KDM7A: variants seen among roughly 807,000 people sequenced by gnomAD.
The protein encoded by KDM7A is lysine demethylase 7A.
In KDM7A, 28 loss-of-function variants were observed where a neutral mutation model predicts 114.8. The observed-to-expected ratio is 0.24, with a 90% confidence interval of 0.18 to 0.33. KDM7A has a LOEUF of 0.33. Ranked by LOEUF, KDM7A falls within the 10% of genes least tolerant of loss-of-function variation. The probability of loss-of-function intolerance (pLI) is 1.00; values close to 1 mark genes in which losing one functional copy is unlikely to be tolerated. For synonymous variants in KDM7A, 423 were observed against 397.8 expected (o/e 1.06, Z -0.75); for missense variants, 942 against 1,142.5 (o/e 0.82, Z 2.53).
chr7:140,117,889 A>C (rs1392654120), intron 9 of KDM7A, among the ~76,000 whole-genome samples: 1 of 152,212 alleles, frequency 6.6e-6, no homozygotes, highest in Non-Finnish European at 1.5e-5. Context: ...CTTCTCATGC[A>C]TGGGATTCTA....
chr7:140,166,579 C>G (rs553306381), intron 1 of KDM7A, among the ~76,000 whole-genome samples: 8 of 152,154 alleles, frequency 5.3e-5, no homozygotes, highest in South Asian at 4.2e-4. Context: ...CTCACGCCAT[C>G]CACCCACCTT....
chr7:140,124,843 A>G, intron 6 of KDM7A, 60 bp from the exon 7 acceptor site: 1 of 949,804 alleles, frequency 1.1e-6, no homozygotes, highest in Non-Finnish European at 1.6e-6. Flanking sequence ...GATAGCCTAC[A>G]TTGATGCAAT....
intron 1 of KDM7A, among the ~76,000 whole-genome samples, chr7:140,171,745 C>T (rs2116862155): frequency 6.6e-6 from 1 of 151,696 alleles, no homozygotes; most frequent in East Asian, 1.9e-4. Flanking sequence ...CCACTTATGC[C>T]TGTACTTGAA....
At chr7:140,164,921 A>G (rs151175426) in intron 1 of KDM7A, among the ~76,000 whole-genome samples, 187 of 152,278 alleles carry the variant, frequency 1.2e-3, no homozygotes, top group African/African-American at 4.4e-3. Context: ...CTTTAAGAAA[A>G]ATTAAAAGTC....
chr7:140,103,148 T>C lies in KDM7A; in HGVS notation c.1429-988A>G, dbSNP rs537034431. 2.2e-4 allele frequency among the ~76,000 whole-genome samples: 34 copies of C among 152,138 alleles called. No homozygotes were observed. In the South Asian group the frequency reaches 6.6e-3, roughly 30 times the overall value. ...CCCATTCTCCCTTCCCGCCAACCCCTAGCAACTACCATTCTACTTGCATTC... is the reference window on the plus strand; with the variant it reads ...CCCATTCTCCCTTCCCGCCAACCCCCAGCAACTACCATTCTACTTGCATTC... On this transcript the variant is annotated intron_variant, in intron 11 of 19. Transcript: ENST00000397560.
At chr7:140,153,481 G>A (rs949407458) in intron 1 of KDM7A, among the ~76,000 whole-genome samples, 47 of 138,312 alleles carry the variant, frequency 3.4e-4, no homozygotes, top group African/African-American at 1.2e-3. Flanking sequence ...GCGAGACTCC[G>A]TCTCAAAAAG....
At chr7:140,142,270 G>T (rs1166805008) in intron 1 of KDM7A, among the ~76,000 whole-genome samples, 7 of 151,118 alleles carry the variant, frequency 4.6e-5, no homozygotes, top group Non-Finnish European at 8.8e-5. Flanking sequence ...CCATAAGGGG[G>T]AAAACTGATA....
intron 13 of KDM7A, among the ~76,000 whole-genome samples, chr7:140,099,603 CA>C (rs892867109): frequency 1.8e-4 from 27 of 152,164 alleles, no homozygotes; most frequent in Admixed American, 5.2e-4. Flanking sequence ...GGTGAGTGAG[CA>C]TTACCACCTG....
rs1817926838 is a variant in KDM7A at position 140,086,579 on chromosome 7, C to T, written c.*4515G>A. On this transcript the variant is annotated 3_prime_UTR_variant, in exon 20 of 20. Coordinates refer to ENST00000397560, the MANE Select transcript of KDM7A (RefSeq NM_030647.2). ...AGGCTACAGTATTAAGATTACATTA[C>T]GTTCAACAGCAACAGAATGAGAAAA... 2.0e-5 allele frequency: 3 copies of T among 152,138 alleles called. No individual in the cohort carries two copies. The allele number at this position is 152,138 out of a possible 1,614,324, so 9.4% of individuals were successfully genotyped here.
intron 1 of KDM7A, among the ~76,000 whole-genome samples, chr7:140,175,840 C>T (rs1190043520): frequency 6.6e-6 from 1 of 151,980 alleles, no homozygotes; most frequent in African/African-American, 2.4e-5. Flanking sequence ...GGCACAGCCG[C>T]AGGCGGTCCC....
chr7:140,146,902 C>G (rs1401397462), intron 1 of KDM7A, among the ~76,000 whole-genome samples: 2 of 152,134 alleles, frequency 1.3e-5, no homozygotes, highest in Non-Finnish European at 2.9e-5. Flanking sequence ...GGATAACACT[C>G]TCATTTATAT....
chr7:140,111,490 T>C (rs1818431072), intron 10 of KDM7A, among the ~76,000 whole-genome samples: 1 of 152,218 alleles, frequency 6.6e-6, no homozygotes, highest in South Asian at 2.1e-4. Flanking sequence ...CTACTACTAA[T>C]TCGTAAAGTG....
At chr7:140,131,019 A>G (rs1170727252) in intron 3 of KDM7A, among the ~76,000 whole-genome samples, 1 of 133,034 alleles carries the variant, frequency 7.5e-6, no homozygotes, top group Admixed American at 7.4e-5. Flanking sequence ...ACGCCTGGCT[A>G]ATTTTTTTGT....
Position 140,089,071 on chromosome 7 carries a change from C to T in KDM7A, c.*2023G>A, listed in dbSNP as rs989867787. 3 of 152,064 alleles carry T rather than the reference C, an allele frequency of 2.0e-5. No individual in the cohort carries two copies. The highest frequency in any genetic ancestry group is 4.4e-5 in the Non-Finnish European group (3 of 68,022). 9.4% of individuals were successfully genotyped at this position (152,064 alleles called of 1,614,324 possible). ...TATTGTAACACCGACTCAGGATCTA[C>T]AGAAAAGCAAAAATCACAAGAATAT... On this transcript the variant is annotated 3_prime_UTR_variant, in exon 20 of 20. Coordinates refer to ENST00000397560, the MANE Select transcript of KDM7A (RefSeq NM_030647.2).
chr7:140,099,438 CCTCCCACCTCAGA>C (rs1367575103), intron 13 of KDM7A, among the ~76,000 whole-genome samples: 1 of 152,128 alleles, frequency 6.6e-6, no homozygotes, highest in Non-Finnish European at 1.5e-5. Context: ...CTCAAGAGAT[CCTCCCACCTCAGA>C]CTCCCAAATC....
At chr7:140,098,811 C>A in intron 14 of KDM7A, 68 bp downstream of exon 14, 1 of 1,354,680 alleles carries the variant, frequency 7.4e-7, no homozygotes. Context: ...TCAAAATTAG[C>A]AAGTTACTTT....
intron 8 of KDM7A, among the ~76,000 whole-genome samples, chr7:140,119,658 T>TC (rs965772441): frequency 1.6e-4 from 24 of 152,272 alleles, no homozygotes; most frequent in Middle Eastern, 3.4e-3. Flanking sequence ...GAGCCATCCC[T>TC]CCCTCAGGGA....
In KDM7A at chr7:140,133,557, C is replaced by T. The variant is rs753917632; in HGVS notation, c.380G>A (p.Arg127His). 7 of 1,594,442 alleles carry T rather than the reference C, an allele frequency of 4.4e-6. No individual in the cohort carries two copies. In the Admixed American group the frequency reaches 6.7e-5, roughly 15 times the overall value. ...TCCATACCTTGGGAAGACTCGAGAG[C>T]GTAATTCCTTAATGAAAGTTCTAGT... is the stretch of plus-strand genomic sequence containing the variant. ...AGTRTFIKEL[R>H]SRVFPSADEI... Residue 127 changes from arginine to histidine, a missense_variant, in exon 3 of 20, where the codon CGC becomes CAC. This residue lies in a region of KDM7A where 318 missense variants were observed against 453.1 expected (regional missense o/e 0.70). Transcript: ENST00000397560.
intron 9 of KDM7A, among the ~76,000 whole-genome samples, chr7:140,115,555 C>T (rs924853151): frequency 8.5e-5 from 13 of 152,156 alleles, no homozygotes; most frequent in Non-Finnish European, 1.3e-4. Context: ...GGATTAAGGG[C>T]GGTGCAAGAT....
Sources: gnomAD v4.1 joint callset for allele counts (sites outside exome capture counted in the v4.1 genomes callset) on GRCh38, gnomAD v4.1.1 for gene constraint, gnomAD v4.1.1 regional missense constraint, MANE v1.5 for transcripts, NCBI Gene and HGNC (gene_info 2026-07-23, HGNC 2026-07-21) for gene names.